Variants in SPIRE1 observed in about 807,000 individuals in gnomAD.
SPIRE1 encodes spire type actin nucleation factor 1.
SPIRE1 carries 40 observed loss-of-function variants against 94.1 expected under a neutral mutation model. The ratio of observed to expected loss-of-function variants is 0.43; its 90% confidence interval spans 0.33 to 0.55. The LOEUF (loss-of-function observed/expected upper bound fraction) is 0.55, where lower values mean the gene tolerates loss of function less well. Among genes scored for constraint, SPIRE1 ranks in the 20% least tolerant of loss-of-function variants. The pLI is 0.06. For missense variants in SPIRE1, 838 were observed against 975.2 expected, an observed-to-expected ratio of 0.86 and a Z score of 1.87; for synonymous variants, 376 against 371.7, an observed-to-expected ratio of 1.01 and a Z score of -0.13.
intron 4 of SPIRE1, among the ~76,000 whole-genome samples, chr18:12,526,239 T>C (rs566326): frequency 0.68 from 103,486 of 151,970 alleles, 35,406 homozygotes; most frequent in South Asian, 0.78. Flanking sequence ...GTTTGAGAAG[T>C]CACTTCTCCC....
chr18:12,561,211 A>G (rs2035673106), intron 2 of SPIRE1, among the ~76,000 whole-genome samples: 2 of 152,202 alleles, frequency 1.3e-5, no homozygotes, highest in African/African-American at 4.8e-5. Context: ...TCCTTACACA[A>G]GTTACACTGA....
intron 2 of SPIRE1, among the ~76,000 whole-genome samples, chr18:12,605,749 T>C (rs1372813403): frequency 6.6e-6 from 1 of 152,206 alleles, no homozygotes; most frequent in African/African-American, 2.4e-5. Context: ...AAATACGTAA[T>C]GGTACACAAA....
chr18:12,485,658 G>T (rs2033011050), intron 9 of SPIRE1, among the ~76,000 whole-genome samples: 1 of 152,136 alleles, frequency 6.6e-6, no homozygotes, highest in Non-Finnish European at 1.5e-5. Context: ...TAACCTCATT[G>T]CTCTAGAAGA....
chr18:12,463,128 C>T (rs1434189204), intron 12 of SPIRE1, among the ~76,000 whole-genome samples: 6 of 152,170 alleles, frequency 3.9e-5, no homozygotes, highest in Non-Finnish European at 8.8e-5. Flanking sequence ...TCTTGAACTC[C>T]TGGAGTCAAG....
In SPIRE1 at chr18:12,453,069, T is replaced by G. The variant is rs2031323661; in HGVS notation, c.1846A>C (p.Arg616=). 1 of 1,571,334 alleles carries G rather than the reference T, an allele frequency of 6.4e-7. No homozygotes were observed. Among genetic ancestry groups the G allele is most frequent in the East Asian group, 2.3e-5 (1 of 43,856 alleles). ...TTCATCAATTACAAAATACCTTACC[T>G]CTTACAGAACTGACAGGTATAAGAC... The part of the protein sequence containing the change: ...TWSYTCQFCK[R]PVCSQCCKKM... The change falls in exon 14 of 17, where the codon AGG becomes CGG. Residue 616 remains arginine (R), a splice_region_variant and synonymous_variant. Coordinates refer to ENST00000409402, the MANE Select transcript of SPIRE1 (RefSeq NM_001128626.2).
chr18:12,539,406 G>A (rs2034941832), intron 3 of SPIRE1, among the ~76,000 whole-genome samples: 1 of 152,076 alleles, frequency 6.6e-6, no homozygotes, highest in Non-Finnish European at 1.5e-5. Context: ...ATGATTGTGA[G>A]GCCTCCTTAG....
rs149724280 is a variant in SPIRE1 at position 12,647,074 on chromosome 18, T to C, written c.337+10456A>G. 9.4e-3 allele frequency among the ~76,000 whole-genome samples: 1,428 copies of C among 151,598 alleles called. 31 individuals are homozygous for C. Among genetic ancestry groups the C allele is most frequent in the African/African-American group, 0.032 (1,315 of 41,332 alleles). ...AAAAAAAAAAAAGCATTAGCACAAT[T>C]AGTATAAAAAGACCTAAGAGTCACA... On this transcript the variant is annotated intron_variant, in intron 1 of 16. Coordinates refer to ENST00000409402, the MANE Select transcript of SPIRE1 (RefSeq NM_001128626.2).
At position 12,506,614 on chromosome 18, in the gene SPIRE1, C is replaced by A. The variant is rs756522541; in HGVS notation, c.835G>T (p.Asp279Tyr). ...WARFWVQVMR[D>Y]LRNGVKLKKV... ...TTAAGTTTTACCCCATTCCTCAAAT[C>A]CCTCATCACCTGTACCCAGAATCGT... The change falls in exon 6 of 17, where the codon GAT becomes TAT. Residue 279 changes from aspartate (D) to tyrosine (Y), a missense_variant. By Grantham distance (160) the Asp-to-Tyr change is radical. This residue lies in a region of SPIRE1 where 645 missense variants were observed against 804.7 expected (regional missense o/e 0.80). Coordinates refer to ENST00000409402, the MANE Select transcript of SPIRE1 (RefSeq NM_001128626.2). The A allele has an allele frequency of 6.2e-7, 1 of 1,614,092 alleles. No homozygotes were observed. Among genetic ancestry groups the A allele is most frequent in the East Asian group, 2.2e-5 (1 of 44,890 alleles).
chr18:12,485,764 G>C (rs990847811), intron 9 of SPIRE1, among the ~76,000 whole-genome samples, 195 bp downstream of exon 9: 3 of 152,166 alleles, frequency 2.0e-5, no homozygotes, highest in African/African-American at 7.2e-5. Context: ...GGAGAAAACA[G>C]ATTTACTGTA....
intron 4 of SPIRE1, among the ~76,000 whole-genome samples, chr18:12,521,623 C>A (rs980864974): frequency 6.6e-6 from 1 of 152,110 alleles, no homozygotes; most frequent in African/African-American, 2.4e-5. Flanking sequence ...TGTGAGCCAC[C>A]CCATGCCTGG....
chr18:12,520,898 C>T (rs1162148731), intron 4 of SPIRE1, among the ~76,000 whole-genome samples: 1 of 152,138 alleles, frequency 6.6e-6, no homozygotes, highest in Non-Finnish European at 1.5e-5. Context: ...CAAGGCTATT[C>T]AAGCAGAAAA....
chr18:12,463,949 T>C (rs1052186955), intron 11 of SPIRE1, among the ~76,000 whole-genome samples: 1 of 152,218 alleles, frequency 6.6e-6, no homozygotes, highest in Non-Finnish European at 1.5e-5. Context: ...TTTAAGACTG[T>C]TTAAAAGGAG....
chr18:12,540,604 G>C (rs1399583612), intron 3 of SPIRE1, among the ~76,000 whole-genome samples: 1 of 152,138 alleles, frequency 6.6e-6, no homozygotes, highest in Non-Finnish European at 1.5e-5. Context: ...TCAAACTCCT[G>C]ATCTCAGGTG....
intron 16 of SPIRE1, 75 bp downstream of exon 16, chr18:12,452,180 C>CA: frequency 1.9e-6 from 3 of 1,575,724 alleles, no homozygotes; most frequent in Non-Finnish European, 1.7e-6. Context: ...AAAACCCTAA[C>CA]ACTCTACCAC....
chr18:12,533,968 C>CACACA (rs1491242694), intron 4 of SPIRE1, among the ~76,000 whole-genome samples: 7 of 145,908 alleles, frequency 4.8e-5, no homozygotes, highest in Middle Eastern at 3.5e-3. Context: ...CACACACACA[C>CACACA]AACTTATTTA....
chr18:12,606,361 G>GAA (rs35381322), intron 2 of SPIRE1, among the ~76,000 whole-genome samples: 1 of 151,524 alleles, frequency 6.6e-6, no homozygotes, highest in Non-Finnish European at 1.5e-5. Flanking sequence ...AAAGACAGAA[G>GAA]AAAAAAGAGA....
At chr18:12,457,464 T>A (rs1025172740) in intron 12 of SPIRE1, among the ~76,000 whole-genome samples, 1 of 112,740 alleles carries the variant, frequency 8.9e-6, no homozygotes. Flanking sequence ...CGGGAGCCCT[T>A]CCCCACCACG....
chr18:12,623,365 G>A (rs983481897), intron 2 of SPIRE1, among the ~76,000 whole-genome samples: 1 of 152,038 alleles, frequency 6.6e-6, no homozygotes, highest in East Asian at 1.9e-4. Flanking sequence ...GTGTTAGCCA[G>A]GATGGTCTCA....
chr18:12,613,473 C>T (rs545383623), intron 2 of SPIRE1, among the ~76,000 whole-genome samples: 63 of 152,354 alleles, frequency 4.1e-4, no homozygotes, highest in African/African-American at 1.2e-3. Flanking sequence ...CTTCTCTCTG[C>T]TCCTTTAGCC....
Sources: allele counts gnomAD v4.1 joint callset (sites outside exome capture counted in the v4.1 genomes callset), GRCh38; gene constraint gnomAD v4.1.1; regional missense constraint gnomAD v4.1.1; transcripts MANE v1.5; gene names NCBI Gene and HGNC (gene_info 2026-07-23, HGNC 2026-07-21).